Variants in PCDH7 observed in about 807,000 individuals in gnomAD.
PCDH7 encodes the protein protocadherin-7.
A neutral mutation model predicts 58.9 loss-of-function variants in PCDH7; 17 were observed. The ratio of observed to expected loss-of-function variants is 0.29; its 90% CI spans 0.20 to 0.43. The LOEUF is 0.43. PCDH7 is among the 20% of genes least tolerant of loss of function. The probability of loss-of-function intolerance (pLI) is 1.00; values close to 1 mark genes in which losing one functional copy is unlikely to be tolerated. For synonymous variants in PCDH7, 664 were observed against 616.4 expected (o/e 1.08, Z -1.14); for missense variants, 1,274 against 1,441.0 (o/e 0.88, Z 1.88).
chr4:30,824,245 T>C (rs1366670630), intron 1 of PCDH7, among the ~76,000 whole-genome samples: 1 of 151,748 alleles, frequency 6.6e-6, no homozygotes, highest in Non-Finnish European at 1.5e-5. Context: ...GCTGACCTCA[T>C]ATTTTCTGTA....
intron 1 of PCDH7, among the ~76,000 whole-genome samples, chr4:30,781,056 C>G (rs1202522016): frequency 6.6e-6 from 1 of 151,992 alleles, no homozygotes; most frequent in African/African-American, 2.4e-5. Context: ...TCCTCAGAAC[C>G]AGGACTGTGT....
intron 2 of PCDH7, among the ~76,000 whole-genome samples, chr4:30,943,359 A>T (rs927855981): frequency 2.6e-5 from 4 of 152,036 alleles, no homozygotes; most frequent in African/African-American, 9.7e-5. Flanking sequence ...ATTTCATCTC[A>T]CTTAATTCTC....
chr4:30,724,072 G>A lies in PCDH7; in HGVS notation c.2650G>A (p.Val884Met), dbSNP rs1338635813. Reference sequence around the variant, plus strand: ...ACAGAGACTCAGTATTGTCATTGGCGTGGTTGCTGGCATTATGACGGTGAT... The same window carrying A: ...ACAGAGACTCAGTATTGTCATTGGCATGGTTGCTGGCATTATGACGGTGAT... Residue 884 changes from valine to methionine, a missense_variant, in exon 1 of 2, where the codon GTG becomes ATG. Transcript: ENST00000361762. The A allele has an allele frequency of 6.2e-6, 10 of 1,613,942 alleles. No homozygotes were observed. The highest frequency in any genetic ancestry group is 6.8e-6 in the Non-Finnish European group (8 of 1,180,022).
intron 2 of PCDH7, among the ~76,000 whole-genome samples, chr4:30,936,750 A>G (rs1745385327): frequency 6.6e-6 from 1 of 152,050 alleles, no homozygotes; most frequent in Non-Finnish European, 1.5e-5. Flanking sequence ...TTTACTTCAC[A>G]AAAATTGGGA....
At chr4:30,842,377 A>G (rs1480085863) in intron 1 of PCDH7, among the ~76,000 whole-genome samples, 1 of 152,144 alleles carries the variant, frequency 6.6e-6, no homozygotes, top group African/African-American at 2.4e-5. Flanking sequence ...CTTTTTATGA[A>G]TTTTATTGAT....
intron 3 of PCDH7, among the ~76,000 whole-genome samples, chr4:31,019,632 T>C (rs1287995171): frequency 6.7e-6 from 1 of 150,178 alleles, no homozygotes; most frequent in Admixed American, 6.7e-5. Flanking sequence ...GAGGTTGCAG[T>C]GAGCCCAGAT....
intron 2 of PCDH7, among the ~76,000 whole-genome samples, chr4:30,931,862 C>A (rs1744648370): frequency 6.7e-6 from 1 of 149,160 alleles, no homozygotes; most frequent in Non-Finnish European, 1.5e-5. Flanking sequence ...CAGAACGTAC[C>A]ATGAGTGTGA....
downstream of PCDH7, among the ~76,000 whole-genome samples, chr4:30,735,654 A>G (rs1214944584): frequency 1.3e-5 from 2 of 152,166 alleles, no homozygotes; most frequent in Admixed American, 1.3e-4. Flanking sequence ...TTGAGGAAAG[A>G]TGGGGTAACC....
At chr4:30,909,205 C>A (rs1246166479) in intron 1 of PCDH7, among the ~76,000 whole-genome samples, 1 of 152,094 alleles carries the variant, frequency 6.6e-6, no homozygotes, top group African/African-American at 2.4e-5. Context: ...CTATGTATGA[C>A]AAACCTACAG....
intron 1 of PCDH7, among the ~76,000 whole-genome samples, chr4:30,896,888 G>GTTTTTTTTTTTTTTTT (rs1411830166): frequency 5.8e-5 from 1 of 17,366 alleles, no homozygotes; most frequent in Non-Finnish European, 1.2e-4. Context: ...CTAGTTCTTT[G>GTTTTTTTTTTTTTTTT]CTTTTTTTTT....
chr4:30,816,867 C>T (rs1245203569), intron 1 of PCDH7, among the ~76,000 whole-genome samples: 1 of 151,936 alleles, frequency 6.6e-6, no homozygotes, highest in Non-Finnish European at 1.5e-5. Context: ...ACTCTTTGGT[C>T]TTGATATTAA....
chr4:30,768,506 T>C (rs1721019072), intron 1 of PCDH7, among the ~76,000 whole-genome samples: 1 of 152,208 alleles, frequency 6.6e-6, no homozygotes, highest in African/African-American at 2.4e-5. Context: ...AAGACCTCAG[T>C]TGGCCTGAAT....
chr4:31,119,494 A>T (rs1338485359), intron 3 of PCDH7, among the ~76,000 whole-genome samples: 1 of 152,040 alleles, frequency 6.6e-6, no homozygotes, highest in East Asian at 1.9e-4. Context: ...TCAGGGGCAT[A>T]AGGCAGAAGA....
intron 3 of PCDH7, among the ~76,000 whole-genome samples, chr4:31,107,908 T>C (rs1429973659): frequency 6.6e-6 from 1 of 152,260 alleles, no homozygotes; most frequent in East Asian, 1.9e-4. Context: ...CTTTTGCAAA[T>C]ATTTTTATTA....
At chr4:30,963,867 G>A (rs988930058) in intron 3 of PCDH7, among the ~76,000 whole-genome samples, 2 of 152,146 alleles carry the variant, frequency 1.3e-5, no homozygotes, top group Non-Finnish European at 2.9e-5. Flanking sequence ...ATCACTCTGA[G>A]TCTGATGGCT....
chr4:30,870,094 G>A (rs1735379514), intron 1 of PCDH7, among the ~76,000 whole-genome samples: 2 of 152,046 alleles, frequency 1.3e-5, no homozygotes, highest in South Asian at 4.1e-4. Context: ...TTTGAGAAGT[G>A]TCTATTCATA....
intron 1 of PCDH7, among the ~76,000 whole-genome samples, chr4:30,893,840 C>T (rs1260128582): frequency 6.6e-6 from 1 of 152,092 alleles, no homozygotes. Context: ...GCTGCTTACA[C>T]AGGCCTGCAT....
chr4:31,079,107 G>T (rs1379990159), intron 3 of PCDH7, among the ~76,000 whole-genome samples: 1 of 151,250 alleles, frequency 6.6e-6, no homozygotes, highest in East Asian at 1.9e-4. Context: ...ACATTTAGAA[G>T]ATCACATAGG....
rs1386090244 is a variant in PCDH7, at chr4:30,870,840, G to A, written c.71-49313G>A. Among the ~76,000 whole-genome samples the A allele has an allele frequency of 2.0e-5, 3 of 152,022 alleles. No homozygotes were observed. The East Asian group carries it at 5.8e-4, about 29-fold the overall frequency. On this transcript the variant is annotated intron_variant, in intron 1 of 3. Transcript: ENST00000509759. ...CAGATTGATCTTCAAGCTCCTTTTTGTTTTTCTTAGAGGTCCACATCTAGT... is the reference window on the plus strand; with the variant it reads ...CAGATTGATCTTCAAGCTCCTTTTTATTTTTCTTAGAGGTCCACATCTAGT...
Sources: gnomAD v4.1 joint callset for allele counts (sites outside exome capture counted in the v4.1 genomes callset) on GRCh38, gnomAD v4.1.1 for gene constraint, MANE v1.5 for transcripts, NCBI Gene and HGNC (gene_info 2026-07-23, HGNC 2026-07-21) for gene names.